NAALADL2: variants seen among roughly 807,000 people sequenced by gnomAD.
The protein encoded by NAALADL2 is N-acetylated alpha-linked acidic dipeptidase like 2.
A neutral mutation model predicts 87.2 loss-of-function variants in NAALADL2; 76 were observed. That is an observed-to-expected ratio of 0.87 (90% CI 0.72 to 1.05). The LOEUF (loss-of-function observed/expected upper bound fraction) is 1.05, where lower values mean the gene tolerates loss of function less well. NAALADL2 is among the 50% of genes least tolerant of loss of function. NAALADL2 has a pLI of 0.00. For missense variants in NAALADL2, 1,089 were observed against 945.8 expected (o/e 1.15, Z -1.99); for synonymous variants, 354 against 331.0 (o/e 1.07, Z -0.75).
intron 1 of NAALADL2, among the ~76,000 whole-genome samples, chr3:174,538,656 T>A (rs1040019601): frequency 2.0e-5 from 3 of 152,100 alleles, no homozygotes; most frequent in African/African-American, 7.2e-5. Flanking sequence ...GCATTTACAA[T>A]CTATTCTCTC....
At chr3:175,269,567 T>G (rs1752487428) in intron 4 of NAALADL2, among the ~76,000 whole-genome samples, 1 of 152,220 alleles carries the variant, frequency 6.6e-6, no homozygotes, top group Admixed American at 6.5e-5. Context: ...GAGCCACGAC[T>G]TTGTCTGTAT....
intron 5 of NAALADL2, among the ~76,000 whole-genome samples, chr3:175,429,666 A>C (rs532518933): frequency 6.0e-4 from 92 of 152,196 alleles, no homozygotes; most frequent in African/African-American, 2.2e-3. Context: ...ATGTACATGC[A>C]ACAAAATTCA....
At chr3:175,725,126 T>A (rs2150045660) in intron 11 of NAALADL2, among the ~76,000 whole-genome samples, 1 of 152,186 alleles carries the variant, frequency 6.6e-6, no homozygotes, top group East Asian at 1.9e-4. Context: ...AAATACAATT[T>A]CTAAGAGAAT....
intron 5 of NAALADL2, among the ~76,000 whole-genome samples, chr3:175,359,681 A>G (rs1289874937): frequency 6.6e-6 from 1 of 152,148 alleles, no homozygotes; most frequent in African/African-American, 2.4e-5. Flanking sequence ...TATGATTATA[A>G]TACAATGATA....
intron 1 of NAALADL2, among the ~76,000 whole-genome samples, chr3:174,982,266 C>T (rs1745224137): frequency 6.6e-6 from 1 of 151,972 alleles, no homozygotes; most frequent in East Asian, 1.9e-4. Flanking sequence ...GAGTATCTAC[C>T]TTGTGCTAGA....
intron 5 of NAALADL2, among the ~76,000 whole-genome samples, chr3:175,331,804 A>T (rs1393464702): frequency 6.6e-6 from 1 of 152,170 alleles, no homozygotes; most frequent in African/African-American, 2.4e-5. Context: ...GGAAAAGAAG[A>T]AGTCAAATTG....
intron 1 of NAALADL2, among the ~76,000 whole-genome samples, chr3:174,912,749 A>C (rs1211827160): frequency 6.6e-6 from 1 of 152,208 alleles, no homozygotes; most frequent in African/African-American, 2.4e-5. Flanking sequence ...TGATCAGCAC[A>C]AATTTAGAAT....
chr3:175,098,304 T>C (rs373102365), intron 2 of NAALADL2, among the ~76,000 whole-genome samples: 5 of 152,292 alleles, frequency 3.3e-5, no homozygotes, highest in South Asian at 4.1e-4. Flanking sequence ...TGAATGATTG[T>C]ATCATTCAGG....
intron 5 of NAALADL2, among the ~76,000 whole-genome samples, chr3:175,359,701 A>C (rs1043658966): frequency 1.3e-5 from 2 of 152,086 alleles, no homozygotes; most frequent in East Asian, 3.8e-4. Context: ...AAAGCACTAC[A>C]CTCCTCAAAG....
In NAALADL2 at chr3:175,594,831, C is replaced by T. The variant is rs568597584; in HGVS notation, c.1800+18644C>T. Among the ~76,000 whole-genome samples the T allele has an allele frequency of 2.6e-3, 391 of 152,096 alleles. 1 individual carries two copies. Among genetic ancestry groups the T allele is most frequent in the Non-Finnish European group, 2.4e-3 (165 of 67,972 alleles). On this transcript the variant is annotated intron_variant, in intron 10 of 13. Transcript: ENST00000454872. ...GAGAAGTGTCTGTTCATGCCATTTGCCCATTTTTTAATGGGGTTATTTTTT... is the reference window on the plus strand; with the variant it reads ...GAGAAGTGTCTGTTCATGCCATTTGTCCATTTTTTAATGGGGTTATTTTTT...
Position 175,467,195 on chromosome 3 carries a change from A to G in NAALADL2, c.1533+11A>G. 1.2e-6 allele frequency: 2 copies of G among 1,601,096 alleles called. No homozygotes were observed. Among genetic ancestry groups the G allele is most frequent in the Non-Finnish European group, 1.7e-6 (2 of 1,169,232 alleles). ...TATGAATGGGGAGAGGTAAAGCAAA[A>G]TATACATTAATTACAGTGCTTTTCT... On this transcript the variant is annotated intron_variant, in intron 8 of 13. Coordinates refer to ENST00000454872, the MANE Select transcript of NAALADL2 (RefSeq NM_207015.3).
intron 11 of NAALADL2, among the ~76,000 whole-genome samples, chr3:175,706,751 G>A (rs189387860): frequency 1.3e-5 from 2 of 152,188 alleles, no homozygotes; most frequent in South Asian, 2.1e-4. Context: ...CCTAGAAAAC[G>A]TCAAGGTTTG....
chr3:174,927,892 A>G (rs1047575919), intron 1 of NAALADL2, among the ~76,000 whole-genome samples: 18 of 152,082 alleles, frequency 1.2e-4, no homozygotes, highest in African/African-American at 4.1e-4. Flanking sequence ...GACACAAAAA[A>G]CCCTTCAAAA....
At chr3:175,126,160 G>T (rs1726914856) in intron 2 of NAALADL2, among the ~76,000 whole-genome samples, 1 of 152,038 alleles carries the variant, frequency 6.6e-6, no homozygotes, top group Non-Finnish European at 1.5e-5. Context: ...AGTTTCTGGG[G>T]GGTAGGAAGG....
At chr3:175,530,518 G>A (rs1733953899) in intron 9 of NAALADL2, among the ~76,000 whole-genome samples, 1 of 152,170 alleles carries the variant, frequency 6.6e-6, no homozygotes, top group Non-Finnish European at 1.5e-5. Flanking sequence ...GAATGTCCTA[G>A]AAAAGGGCTG....
chr3:174,845,795 C>T (rs1724555801), intron 3 of NAALADL2, among the ~76,000 whole-genome samples: 1 of 152,122 alleles, frequency 6.6e-6, no homozygotes, highest in Non-Finnish European at 1.5e-5. Flanking sequence ...AGGTCTTGGT[C>T]ATTCCTTCCT....
chr3:174,790,072 A>C (rs992592900), intron 3 of NAALADL2, among the ~76,000 whole-genome samples: 3 of 152,164 alleles, frequency 2.0e-5, no homozygotes, highest in African/African-American at 7.2e-5. Flanking sequence ...CACCACACTC[A>C]AGGGAGAGGG....
At chr3:175,329,183 TA>T (rs749786635) in intron 5 of NAALADL2, among the ~76,000 whole-genome samples, 14 of 152,234 alleles carry the variant, frequency 9.2e-5, no homozygotes, top group Non-Finnish European at 1.5e-4. Context: ...CATCCTGATT[TA>T]AAGCTTCGTA....
chr3:175,517,690 T>A (rs1732051514), intron 9 of NAALADL2, among the ~76,000 whole-genome samples: 1 of 151,950 alleles, frequency 6.6e-6, no homozygotes, highest in Non-Finnish European at 1.5e-5. Flanking sequence ...GCCAAGAAGA[T>A]TAAGGGCATG....
Sources: gnomAD v4.1 joint callset for allele counts (sites outside exome capture counted in the v4.1 genomes callset) on GRCh38, gnomAD v4.1.1 for gene constraint, MANE v1.5 for transcripts, NCBI Gene and HGNC (gene_info 2026-07-23, HGNC 2026-07-21) for gene names.